The following RASGRP1 variants were observed in gnomAD, a reference collection of about 807,000 sequenced individuals.
RASGRP1 encodes the protein RAS guanyl releasing protein 1.
In RASGRP1, 37 loss-of-function variants were observed where a neutral mutation model predicts 95.1. The ratio of observed to expected loss-of-function variants is 0.39; its 90% confidence interval spans 0.30 to 0.51. The LOEUF (loss-of-function observed/expected upper bound fraction) is 0.51, where lower values mean the gene tolerates loss of function less well. Ranked by LOEUF, RASGRP1 falls within the 20% of genes least tolerant of loss-of-function variation. The probability of loss-of-function intolerance (pLI) is 0.80; values close to 1 mark genes in which losing one functional copy is unlikely to be tolerated. For missense variants in RASGRP1, 711 were observed against 965.4 expected, an observed-to-expected ratio of 0.74 and a Z score of 3.49; for synonymous variants, 325 against 353.4, an observed-to-expected ratio of 0.92 and a Z score of 0.90.
intron 11 of RASGRP1, chr15:38,502,768 A>G (rs895418745): frequency 1.2e-5 from 3 of 247,804 alleles, no homozygotes; most frequent in Admixed American, 1.0e-4. Flanking sequence ...AGAAGCTTCT[A>G]CAAACAGCCC....
At chr15:38,537,858 G>A (rs1456790526) in intron 2 of RASGRP1, among the ~76,000 whole-genome samples, 1 of 152,190 alleles carries the variant, frequency 6.6e-6, no homozygotes, top group African/African-American at 2.4e-5. Flanking sequence ...AAGTGAGCAG[G>A]AGGACCTGGA....
At chr15:38,523,545 A>T (rs1892080025) in intron 3 of RASGRP1, among the ~76,000 whole-genome samples, 1 of 152,164 alleles carries the variant, frequency 6.6e-6, no homozygotes, top group Non-Finnish European at 1.5e-5. Context: ...TTTTTTATCA[A>T]TTTAGTATAG....
intron 9 of RASGRP1, among the ~76,000 whole-genome samples, chr15:38,506,635 C>CAAAAA (rs370153317): frequency 2.8e-5 from 2 of 71,614 alleles, no homozygotes; most frequent in Non-Finnish European, 2.7e-5. Context: ...ACCTTGTCTC[C>CAAAAA]AAAAAAAAAA....
Position 38,529,412 on chromosome 15 carries a change from T to A in RASGRP1, c.221-3008A>T, listed in dbSNP as rs543908365. Among the ~76,000 whole-genome samples, 6 of 152,316 alleles carry A rather than the reference T, an allele frequency of 3.9e-5. No homozygotes were observed. In the South Asian group the frequency reaches 1.2e-3, roughly 32 times the overall value. ...TTGTACCTCAAACACTCCCAGCTTA[T>A]TCCTACCTCAGGGCCTTTGCATTTG... is the stretch of plus-strand genomic sequence containing the variant. On this transcript the variant is annotated intron_variant, in intron 2 of 16. Coordinates refer to ENST00000310803, the MANE Select transcript of RASGRP1 (RefSeq NM_005739.4).
chr15:38,525,828 G>C (rs527812171), intron 3 of RASGRP1, among the ~76,000 whole-genome samples: 1 of 152,280 alleles, frequency 6.6e-6, no homozygotes, highest in South Asian at 2.1e-4. Context: ...TTGGCACATA[G>C]TCAGTCCTCC....
At chr15:38,492,885 C>CT (rs1273312659) in intron 16 of RASGRP1, among the ~76,000 whole-genome samples, 1,534 of 142,872 alleles carry the variant, frequency 0.011, 15 homozygotes, top group African/African-American at 0.027. Context: ...TCCCCACCCG[C>CT]TTTTTTTTTT....
In RASGRP1 at chr15:38,557,629, G is replaced by GTATA. The variant is rs1555405016; in HGVS notation, c.220+2188_220+2191dup. On this transcript the variant is annotated intron_variant, in intron 2 of 16. Transcript: ENST00000310803. ...TGTGTGTGTGTGTGTGTGTGTGTGT[G>GTATA]TATATATATATATATATTTCCTGAA... 7.0e-3 allele frequency among the ~76,000 whole-genome samples: 1,026 copies of GTATA among 147,416 alleles called. 13 individuals carry two copies. Among genetic ancestry groups the GTATA allele is most frequent in the African/African-American group, 0.024 (944 of 39,296 alleles).
intron 2 of RASGRP1, among the ~76,000 whole-genome samples, chr15:38,542,437 A>G (rs1343937660): frequency 6.6e-6 from 1 of 152,064 alleles, no homozygotes. Context: ...GGGATGGAGC[A>G]GAGAATTTGC....
At chr15:38,527,528 C>T (rs983435171) in intron 2 of RASGRP1, among the ~76,000 whole-genome samples, 5 of 152,184 alleles carry the variant, frequency 3.3e-5, no homozygotes, top group Non-Finnish European at 7.3e-5. Flanking sequence ...CCACTCTCAT[C>T]TCTGTAAATA....
At chr15:38,517,709 CTG>C (rs1401620469) in intron 5 of RASGRP1, among the ~76,000 whole-genome samples, 3 of 152,158 alleles carry the variant, frequency 2.0e-5, no homozygotes, top group African/African-American at 7.2e-5. Context: ...AGCAGCCACA[CTG>C]TGAAAACCCT....
At chr15:38,501,553 A>G (rs1891024698) in intron 12 of RASGRP1, 3 of 565,742 alleles carry the variant, frequency 5.3e-6, no homozygotes, top group South Asian at 4.8e-5. Flanking sequence ...ACCACTATCT[A>G]TAAGACTTGA....
At chr15:38,506,419 G>C (rs1356295617) in intron 9 of RASGRP1, among the ~76,000 whole-genome samples, 1 of 152,172 alleles carries the variant, frequency 6.6e-6, no homozygotes, top group African/African-American at 2.4e-5. Context: ...TTGATTGCTT[G>C]AGCTCAGGAG....
chr15:38,499,202 G>A (rs1283877169), intron 14 of RASGRP1: 7 of 621,370 alleles, frequency 1.1e-5, no homozygotes, highest in Middle Eastern at 2.5e-4. Flanking sequence ...GGAAGAGATG[G>A]TGTCCTGGTA....
At chr15:38,542,369 A>G (rs996796783) in intron 2 of RASGRP1, among the ~76,000 whole-genome samples, 1 of 152,034 alleles carries the variant, frequency 6.6e-6, no homozygotes. Context: ...AAAACCACCA[A>G]CGGAACTCAA....
intron 2 of RASGRP1, among the ~76,000 whole-genome samples, chr15:38,540,815 CT>C (rs1028652093): frequency 3.3e-5 from 5 of 152,298 alleles, no homozygotes; most frequent in South Asian, 4.1e-4. Flanking sequence ...TTCAAAAAGC[CT>C]TTTTAGGTTT....
At chr15:38,550,169 G>A (rs1893275190) in intron 2 of RASGRP1, among the ~76,000 whole-genome samples, 1 of 143,974 alleles carries the variant, frequency 6.9e-6, no homozygotes. Flanking sequence ...AGAATCACTT[G>A]AACCCAGGAG....
rs1890484776 is a variant in RASGRP1, at chr15:38,489,499, G to C, written c.*1055C>G. 1 of 152,284 alleles carries C rather than the reference G, an allele frequency of 6.6e-6. No homozygotes were observed. The highest frequency in any genetic ancestry group is 6.6e-5 in the Admixed American group (1 of 15,256). The allele number at this position is 152,284 out of a possible 1,614,324, so 9.4% of individuals were successfully genotyped here. ...TTAATTCACTTCCACATTTTATGGA[G>C]GAAACAAAATTCCAAGCCACATGCA... On this transcript the variant is annotated 3_prime_UTR_variant, in exon 17 of 17. Transcript: ENST00000310803.
chr15:38,518,420 A>G lies in RASGRP1; in HGVS notation c.393T>C (p.Tyr131=), dbSNP rs770699625. Reference sequence around the variant, plus strand: ...ACATGACCCAGAATTCTGTTATCCAATACCTACAAGGAGGGGGTTAAAAAA... The same window carrying G: ...ACATGACCCAGAATTCTGTTATCCAGTACCTACAAGGAGGGGGTTAAAAAA... The part of the protein sequence containing the change: ...LCLKICYFVR[Y]WITEFWVMFK... The change falls in exon 5 of 17, where the codon TAT becomes TAC. Residue 131 remains tyrosine, a synonymous_variant. Coordinates refer to ENST00000310803, the MANE Select transcript of RASGRP1 (RefSeq NM_005739.4). The G allele has an allele frequency of 1.9e-5, 30 of 1,601,672 alleles. No individual in the cohort carries two copies. The highest frequency in any genetic ancestry group is 4.5e-5 in the East Asian group (2 of 44,444).
At chr15:38,545,418 C>T (rs577542229) in intron 2 of RASGRP1, among the ~76,000 whole-genome samples, 2 of 152,160 alleles carry the variant, frequency 1.3e-5, no homozygotes, top group East Asian at 1.9e-4. Flanking sequence ...CCCCAGATTC[C>T]GTCATGTGGT....
Sources: gnomAD v4.1 joint callset for allele counts (sites outside exome capture counted in the v4.1 genomes callset) on GRCh38, gnomAD v4.1.1 for gene constraint, MANE v1.5 for transcripts, NCBI Gene and HGNC (gene_info 2026-07-23, HGNC 2026-07-21) for gene names.